Variants in RNF13 observed in about 807,000 individuals in gnomAD.
RNF13 encodes the protein E3 ubiquitin-protein ligase RNF13.
Under a neutral mutation model 37.7 loss-of-function variants are expected in RNF13, and 19 were observed. The ratio of observed to expected loss-of-function variants is 0.50; its 90% CI spans 0.35 to 0.74. RNF13 has a LOEUF of 0.74. Ranked by LOEUF, RNF13 falls within the 30% of genes least tolerant of loss-of-function variation. The pLI is 0.01. For synonymous variants in RNF13, 144 were observed against 157.8 expected (o/e 0.91, Z 0.65); for missense variants, 375 against 453.0 (o/e 0.83, Z 1.56).
At chr3:149,820,302 T>A (rs985424877) in intron 1 of RNF13, among the ~76,000 whole-genome samples, 1 of 152,048 alleles carries the variant, frequency 6.6e-6, no homozygotes, top group Non-Finnish European at 1.5e-5. Flanking sequence ...TCCTCCCTCC[T>A]CAGCTTCCCA....
intron 7 of RNF13, among the ~76,000 whole-genome samples, chr3:149,912,718 A>C (rs1717115332): frequency 6.6e-6 from 1 of 152,156 alleles, no homozygotes; most frequent in South Asian, 2.1e-4. Flanking sequence ...TATGAAAAAA[A>C]TAATGTGAGA....
At chr3:149,860,270 A>AAAAAAATATATAT (rs1302318768) in intron 3 of RNF13, among the ~76,000 whole-genome samples, 2 of 104,116 alleles carry the variant, frequency 1.9e-5, no homozygotes, top group African/African-American at 4.2e-5. Context: ...AAAAAAAAAA[A>AAAAAAATATATAT]ATATATATAT....
Position 149,923,251 on chromosome 3 carries a change from G to GT in RNF13, c.700+2033dup, listed in dbSNP as rs562443511. Among the ~76,000 whole-genome samples the GT allele has an allele frequency of 8.7e-3, 1,315 of 151,300 alleles. 13 individuals carry two copies. The highest frequency in any genetic ancestry group is 0.024 in the Middle Eastern group (7 of 294). Reference sequence around the variant, plus strand: ...ATTATACAGTGTGGATTAGTTAATAGTTTTTTTTTGTTTTGTTTTTAAGAG... The same window carrying GT: ...ATTATACAGTGTGGATTAGTTAATAGTTTTTTTTTTGTTTTGTTTTTAAGAG... On this transcript the variant is annotated intron_variant, in intron 8 of 9. Transcript: ENST00000392894.
chr3:149,944,765 T>C (rs1283305729), intron 8 of RNF13, among the ~76,000 whole-genome samples: 1 of 152,222 alleles, frequency 6.6e-6, no homozygotes, highest in Non-Finnish European at 1.5e-5. Context: ...AGGTTGCCTG[T>C]TCACTCTGAT....
intron 4 of RNF13, among the ~76,000 whole-genome samples, chr3:149,889,771 C>T (rs1714497424): frequency 6.6e-6 from 1 of 151,524 alleles, no homozygotes. Flanking sequence ...TCTCCTGCCT[C>T]AACCTCCTGA....
chr3:149,942,835 T>C (rs1720403289), intron 8 of RNF13, among the ~76,000 whole-genome samples: 1 of 152,212 alleles, frequency 6.6e-6, no homozygotes, highest in Admixed American at 6.5e-5. Flanking sequence ...AATGTAGCCA[T>C]CTCATATATG....
At chr3:149,916,993 A>G (rs1049776536) in intron 7 of RNF13, among the ~76,000 whole-genome samples, 8 of 152,196 alleles carry the variant, frequency 5.3e-5, no homozygotes, top group African/African-American at 1.9e-4. Flanking sequence ...TTTGACTTAA[A>G]TTTAAAAGTT....
intron 1 of RNF13, among the ~76,000 whole-genome samples, chr3:149,844,704 G>A (rs527941785): frequency 1.3e-5 from 2 of 152,190 alleles, no homozygotes; most frequent in South Asian, 2.1e-4. Context: ...CTGTACCATG[G>A]TATGTTATGA....
intron 4 of RNF13, among the ~76,000 whole-genome samples, chr3:149,892,998 G>C (rs1714872531): frequency 6.6e-6 from 1 of 152,064 alleles, no homozygotes; most frequent in Admixed American, 6.6e-5. Context: ...TTGAAGTACT[G>C]ACAGGCATTC....
At chr3:149,826,912 A>G (rs969157903) in intron 1 of RNF13, among the ~76,000 whole-genome samples, 4 of 152,226 alleles carry the variant, frequency 2.6e-5, no homozygotes, top group Middle Eastern at 3.4e-3. Context: ...GCATGCCACT[A>G]TGCCTAGCTA....
chr3:149,867,580 C>T (rs189543559), intron 3 of RNF13, among the ~76,000 whole-genome samples: 2 of 151,700 alleles, frequency 1.3e-5, no homozygotes, highest in East Asian at 3.9e-4. Flanking sequence ...TCTCTTTTTA[C>T]ACTGTTTGAT....
intron 8 of RNF13, among the ~76,000 whole-genome samples, chr3:149,937,579 G>C (rs1719828891): frequency 6.6e-6 from 1 of 151,916 alleles, no homozygotes; most frequent in African/African-American, 2.4e-5. Flanking sequence ...CTGCCATTTT[G>C]GTAACATCAC....
chr3:149,883,733 T>C (rs1713689174), intron 4 of RNF13, among the ~76,000 whole-genome samples: 1 of 151,996 alleles, frequency 6.6e-6, no homozygotes, highest in Admixed American at 6.6e-5. Context: ...GGGGTACATG[T>C]ACAGGATGTG....
intron 8 of RNF13, among the ~76,000 whole-genome samples, chr3:149,954,641 CT>C (rs948474430): frequency 3.9e-5 from 6 of 152,284 alleles, no homozygotes; most frequent in African/African-American, 1.4e-4. Flanking sequence ...ATTTACCACA[CT>C]TTGGGGACAG....
At chr3:149,852,759 A>C (rs1198340348) in intron 3 of RNF13, among the ~76,000 whole-genome samples, 163 bp downstream of exon 3, 2 of 152,058 alleles carry the variant, frequency 1.3e-5, no homozygotes, top group South Asian at 2.1e-4. Context: ...ATCAGAAAGA[A>C]AGTGAAAATC....
intron 6 of RNF13, among the ~76,000 whole-genome samples, chr3:149,907,678 A>G (rs1412935149): frequency 6.6e-6 from 1 of 152,174 alleles, no homozygotes; most frequent in African/African-American, 2.4e-5. Flanking sequence ...CAATAATAGA[A>G]CCTACAGCAT....
At chr3:149,842,950 A>G (rs953961888) in intron 1 of RNF13, among the ~76,000 whole-genome samples, 2 of 152,214 alleles carry the variant, frequency 1.3e-5, no homozygotes, top group African/African-American at 4.8e-5. Flanking sequence ...AAAAAATACA[A>G]TTAGTAAAAC....
At chr3:149,852,460 T>A in intron 2 of RNF13, 56 bp from the exon 3 acceptor site, 1 of 717,672 alleles carries the variant, frequency 1.4e-6, no homozygotes, top group Non-Finnish European at 2.3e-6. Context: ...AAGTCTTTGT[T>A]TTTAATGTTA....
chr3:149,961,767 T>G lies in RNF13; in HGVS notation c.*663T>G, dbSNP rs1722457633. 6.4e-6 allele frequency: 1 copy of G among 156,738 alleles called. No homozygotes were observed. The highest frequency in any genetic ancestry group is 1.4e-5 in the Non-Finnish European group (1 of 70,890). The allele number at this position is 156,738 out of a possible 1,614,324, so 9.7% of individuals were successfully genotyped here. A position where few individuals can be genotyped will look rare whatever the true frequency, so the allele number is the denominator to read the frequency against. ...TGTTTCTGAACTTTACTTACTAATT[T>G]TCAGTGTCCTTAAGGGTTCTGTAGT... On this transcript the variant is annotated 3_prime_UTR_variant, in exon 10 of 10. Transcript: ENST00000392894.
Sources: gnomAD v4.1 joint callset for allele counts (sites outside exome capture counted in the v4.1 genomes callset) on GRCh38, gnomAD v4.1.1 for gene constraint, MANE v1.5 for transcripts, NCBI Gene and HGNC (gene_info 2026-07-23, HGNC 2026-07-21) for gene names.